SERPINI1: variants seen among roughly 807,000 people sequenced by gnomAD.
SERPINI1 encodes the protein neuroserpin.
A neutral mutation model predicts 41.1 loss-of-function variants in SERPINI1; 19 were observed. The ratio of observed to expected loss-of-function variants is 0.46; its 90% confidence interval spans 0.32 to 0.68. The LOEUF is 0.68. Ranked by LOEUF, SERPINI1 falls within the 30% of genes least tolerant of loss-of-function variation. The pLI is 0.03. For synonymous variants in SERPINI1, 138 were observed against 156.6 expected, an observed-to-expected ratio of 0.88 and a Z score of 0.89; for missense variants, 460 against 479.2, an observed-to-expected ratio of 0.96 and a Z score of 0.37.
chr3:167,789,042 A>G (rs1276640060), intron 1 of SERPINI1, 69 bp from the exon 2 acceptor site: 4 of 1,485,242 alleles, frequency 2.7e-6, no homozygotes, highest in Non-Finnish European at 3.7e-6. Flanking sequence ...GAACCTCCCA[A>G]CATATCCTTC....
intron 1 of SERPINI1, among the ~76,000 whole-genome samples, chr3:167,741,252 T>A (rs1048312114): frequency 6.6e-6 from 1 of 152,204 alleles, no homozygotes; most frequent in African/African-American, 2.4e-5. Flanking sequence ...ACAGATGAAA[T>A]GTTTTTCATT....
intron 1 of SERPINI1, among the ~76,000 whole-genome samples, chr3:167,747,648 C>A (rs1725902236): frequency 6.6e-6 from 1 of 151,804 alleles, no homozygotes; most frequent in African/African-American, 2.4e-5. Flanking sequence ...CGTCTCAAAA[C>A]AACAACAACA....
At chr3:167,784,755 TC>T (rs1194061455) in intron 1 of SERPINI1, among the ~76,000 whole-genome samples, 6 of 152,158 alleles carry the variant, frequency 3.9e-5, no homozygotes, top group Non-Finnish European at 8.8e-5. Flanking sequence ...CTCCACCTGA[TC>T]CTGCTCTTTA....
rs201695047 is a variant in SERPINI1, at chr3:167,807,285, A to C, written c.923A>C (p.Lys308Thr). 5 of 1,612,886 alleles carry C rather than the reference A, an allele frequency of 3.1e-6. No homozygotes were observed. The African/African-American group carries it at 6.7e-5, about 22-fold the overall frequency. Reference protein sequence around the residue: ...EQEIDLKDVLKALGITEIFIK... With the variant: ...EQEIDLKDVLTALGITEIFIK... ...GAAATTGATTTAAAAGATGTTTTGA[A>C]GGCTCTTGGAATAACTGAAATTTTC... The change falls in exon 6 of 9, where the codon AAG becomes ACG. Residue 308 changes from lysine (K) to threonine (T), a missense_variant. By Grantham distance (78) the Lys-to-Thr change is moderately conservative. Transcript: ENST00000446050.
intron 6 of SERPINI1, among the ~76,000 whole-genome samples, chr3:167,820,350 G>A (rs1712272846): frequency 6.6e-6 from 1 of 152,174 alleles, no homozygotes; most frequent in South Asian, 2.1e-4. Flanking sequence ...AGTTGGAGAG[G>A]CGGGAGCCCA....
chr3:167,792,422 GTGTA>G (rs1560009854), intron 3 of SERPINI1, among the ~76,000 whole-genome samples, 164 bp from the exon 4 acceptor site: 7 of 151,906 alleles, frequency 4.6e-5, no homozygotes, highest in East Asian at 3.9e-4. Flanking sequence ...GTATGTGTGT[GTGTA>G]TAACTCTTTT....
At chr3:167,765,000 G>A (rs9830040) in intron 1 of SERPINI1, among the ~76,000 whole-genome samples, 43,018 of 152,104 alleles carry the variant, frequency 0.28, 6,389 homozygotes, top group Non-Finnish European at 0.31. Flanking sequence ...CCACCCCTGT[G>A]ACTTTGCAGG....
At position 167,823,075 on chromosome 3, in the gene SERPINI1, A is replaced by G; in HGVS notation, c.1066+3A>G. 1 of 1,577,250 alleles carries G rather than the reference A, an allele frequency of 6.3e-7. No individual in the cohort carries two copies. The highest frequency in any genetic ancestry group is 8.7e-7 in the Non-Finnish European group (1 of 1,146,548). On this transcript the variant is annotated splice_donor_region_variant and intron_variant, in intron 7 of 8. Coordinates refer to ENST00000446050, the MANE Select transcript of SERPINI1 (RefSeq NM_001122752.2). Reference sequence around the variant, plus strand: ...CTCAGAAGCTGCTGCTGTCTCAGGTACTGTTTGCTAGAATCTTCTCCCCTC... The same window carrying G: ...CTCAGAAGCTGCTGCTGTCTCAGGTGCTGTTTGCTAGAATCTTCTCCCCTC...
At chr3:167,759,420 A>ATATATATATATATATATATATT (rs1726305264) in intron 1 of SERPINI1, among the ~76,000 whole-genome samples, 1 of 148,666 alleles carries the variant, frequency 6.7e-6, no homozygotes, top group East Asian at 1.9e-4. Flanking sequence ...ATATATATAT[A>ATATATATATATATATATATATT]TGCGCCATGC....
intron 5 of SERPINI1, among the ~76,000 whole-genome samples, chr3:167,800,957 A>G (rs1189682226): frequency 6.6e-6 from 1 of 152,248 alleles, no homozygotes; most frequent in Non-Finnish European, 1.5e-5. Context: ...AGCTGGGATT[A>G]CAGGCATGCG....
chr3:167,794,414 A>T (rs1376715007), intron 4 of SERPINI1, among the ~76,000 whole-genome samples: 2 of 150,924 alleles, frequency 1.3e-5, no homozygotes, highest in African/African-American at 4.9e-5. Flanking sequence ...CTTTTTATTT[A>T]TTTTTTTTTA....
At chr3:167,792,499 A>G in intron 3 of SERPINI1, 91 bp from the exon 4 acceptor site, 1 of 1,026,928 alleles carries the variant, frequency 9.7e-7, no homozygotes, top group Non-Finnish European at 1.5e-6. Context: ...TCTCTGGACC[A>G]CTCTATCAGA....
chr3:167,771,834 C>CGT (rs72112020), intron 1 of SERPINI1, among the ~76,000 whole-genome samples: 1 of 143,710 alleles, frequency 7.0e-6, no homozygotes, highest in African/African-American at 2.6e-5. Context: ...TGTGTGTGCG[C>CGT]GTGTGTGTGT....
chr3:167,747,943 T>C (rs1191969001), intron 1 of SERPINI1, among the ~76,000 whole-genome samples: 2 of 151,624 alleles, frequency 1.3e-5, no homozygotes, highest in Non-Finnish European at 2.9e-5. Context: ...TGTTGTTTTT[T>C]TTTTAATTTC....
intron 1 of SERPINI1, among the ~76,000 whole-genome samples, chr3:167,754,943 TCTTC>T (rs1041073301): frequency 7.2e-5 from 11 of 152,212 alleles, no homozygotes; most frequent in African/African-American, 1.9e-4. Flanking sequence ...GTTGGCCTCC[TCTTC>T]CTTCTTTCTT....
intron 6 of SERPINI1, among the ~76,000 whole-genome samples, chr3:167,812,362 A>G (rs1472384527): frequency 6.6e-6 from 1 of 152,188 alleles, no homozygotes; most frequent in African/African-American, 2.4e-5. Flanking sequence ...CTGCCCAGCC[A>G]AACTAAATAC....
At chr3:167,764,037 C>T (rs1258128680) in intron 1 of SERPINI1, among the ~76,000 whole-genome samples, 1 of 151,932 alleles carries the variant, frequency 6.6e-6, no homozygotes, top group East Asian at 1.9e-4. Context: ...TCCCCAAGGA[C>T]ACCTTTTGTT....
intron 1 of SERPINI1, among the ~76,000 whole-genome samples, chr3:167,751,854 C>T (rs936012210): frequency 5.9e-5 from 9 of 151,704 alleles, no homozygotes; most frequent in East Asian, 1.9e-4. Flanking sequence ...GTATACTGTC[C>T]CACAATATAA....
Position 167,825,530 on chromosome 3 carries a change from G to A in SERPINI1, c.*207G>A. 1.9e-6 allele frequency: 1 copy of A among 532,128 alleles called. No homozygotes were observed. The highest frequency in any genetic ancestry group is 3.4e-6 in the Non-Finnish European group (1 of 298,262). 33.0% of individuals were successfully genotyped at this position (532,128 alleles called of 1,614,324 possible). On this transcript the variant is annotated 3_prime_UTR_variant, in exon 9 of 9. Transcript: ENST00000446050. ...GGTCCTGTTATGTCATTGTGTTTGT[G>A]TGCTGTTGTTTAAAATAAAAGTACC...
Sources: allele counts gnomAD v4.1 joint callset (sites outside exome capture counted in the v4.1 genomes callset), GRCh38; gene constraint gnomAD v4.1.1; transcripts MANE v1.5; gene names NCBI Gene and HGNC (gene_info 2026-07-23, HGNC 2026-07-21).